The following UBE2H variants were observed in gnomAD, a reference collection of about 807,000 sequenced individuals.
UBE2H encodes ubiquitin conjugating enzyme E2 H.
UBE2H carries 3 observed loss-of-function variants against 29.0 expected under a neutral mutation model. The observed-to-expected ratio is 0.10, with a 90% CI of 0.05 to 0.27. The LOEUF (loss-of-function observed/expected upper bound fraction) is 0.27. UBE2H is among the 10% of genes least tolerant of loss of function. The pLI is 1.00. For synonymous variants in UBE2H, 69 were observed against 82.9 expected (o/e 0.83, Z 0.91); for missense variants, 68 against 228.2 (o/e 0.30, Z 4.52).
rs982696518 is a variant in UBE2H at position 129,913,031 on chromosome 7, G to A, written c.54-32060C>T. On this transcript the variant is annotated intron_variant, in intron 1 of 6. Transcript: ENST00000355621. Reference sequence around the variant, plus strand: ...TTTCGGAGGCCAAGGCGGGTGGGTCGCCTGAGGTCAGGAGTTCGAGACCAG... The same window carrying A: ...TTTCGGAGGCCAAGGCGGGTGGGTCACCTGAGGTCAGGAGTTCGAGACCAG... 6.6e-5 allele frequency among the ~76,000 whole-genome samples: 10 copies of A among 152,098 alleles called. 1 individual carries two copies. The highest frequency in any genetic ancestry group is 5.2e-4 in the Admixed American group (8 of 15,250).
At chr7:129,875,684 A>T (rs575542066) in intron 3 of UBE2H, among the ~76,000 whole-genome samples, 112 of 151,446 alleles carry the variant, frequency 7.4e-4, no homozygotes, top group African/African-American at 2.4e-3. Flanking sequence ...TCCTCTGCTT[A>T]TTTTTTTTTA....
At chr7:129,926,526 A>C (rs1162922459) in intron 1 of UBE2H, among the ~76,000 whole-genome samples, 1 of 150,854 alleles carries the variant, frequency 6.6e-6, no homozygotes, top group Non-Finnish European at 1.5e-5. Context: ...AAAAAAGAAA[A>C]AAGAAACTCC....
chr7:129,914,667 T>C (rs1304877151), intron 1 of UBE2H, among the ~76,000 whole-genome samples: 1 of 152,120 alleles, frequency 6.6e-6, no homozygotes, highest in Non-Finnish European at 1.5e-5. Flanking sequence ...TGACAGTAAA[T>C]TACTTATCTT....
chr7:129,920,848 C>CAAAAAAAAAAAAAAAAAAAAAA (rs11347186), intron 1 of UBE2H, among the ~76,000 whole-genome samples: 1 of 73,998 alleles, frequency 1.4e-5, no homozygotes, highest in Non-Finnish European at 2.6e-5. Flanking sequence ...TAGAAAAAGT[C>CAAAAAAAAAAAAAAAAAAAAAA]AAAAAAAAAA....
intron 5 of UBE2H, among the ~76,000 whole-genome samples, chr7:129,853,286 G>A (rs1805643596): frequency 6.6e-6 from 1 of 152,134 alleles, no homozygotes; most frequent in Non-Finnish European, 1.5e-5. Flanking sequence ...AGCTACCTGT[G>A]GCTTAATGAA....
intron 3 of UBE2H, among the ~76,000 whole-genome samples, chr7:129,876,715 CA>C (rs1053756038): frequency 6.6e-6 from 1 of 151,370 alleles, no homozygotes; most frequent in African/African-American, 2.4e-5. Context: ...AGTAAAATTC[CA>C]AAAAAAAGAG....
intron 5 of UBE2H, 109 bp from the exon 6 acceptor site, chr7:129,839,444 A>ATTC: frequency 1.4e-6 from 2 of 1,467,268 alleles, no homozygotes; most frequent in Admixed American, 4.0e-5. Flanking sequence ...CACGGGGATG[A>ATTC]TTCTCCATAC....
intron 2 of UBE2H, 26 bp from the exon 3 acceptor site, chr7:129,879,668 C>A: frequency 6.3e-7 from 1 of 1,579,206 alleles, no homozygotes; most frequent in South Asian, 1.1e-5. Flanking sequence ...AAATGTTCAT[C>A]AGAACTACAT....
In UBE2H at chr7:129,950,393, G is replaced by C. The variant is rs574638719; in HGVS notation, c.53+2110C>G. Among the ~76,000 whole-genome samples the C allele has an allele frequency of 1.8e-4, 27 of 151,730 alleles. 1 individual carries two copies. The Middle Eastern group carries it at 0.01, about 58-fold the overall frequency. On this transcript the variant is annotated intron_variant, in intron 1 of 6. Transcript: ENST00000355621. Reference sequence around the variant, plus strand: ...ATAAGCTATGAAATAAGCCACTTAGGGGGAGAAAAAAAAGACACCCTGCTG... The same window carrying C: ...ATAAGCTATGAAATAAGCCACTTAGCGGGAGAAAAAAAAGACACCCTGCTG...
intron 1 of UBE2H, among the ~76,000 whole-genome samples, chr7:129,949,380 A>G (rs1217272316): frequency 6.6e-6 from 1 of 152,146 alleles, no homozygotes; most frequent in Admixed American, 6.6e-5. Context: ...AAATGGCCGC[A>G]CTATTCGAGA....
intron 5 of UBE2H, among the ~76,000 whole-genome samples, chr7:129,850,115 C>T (rs957113285): frequency 1.3e-5 from 2 of 152,182 alleles, no homozygotes; most frequent in Non-Finnish European, 2.9e-5. Context: ...GACTGTAATC[C>T]TAGCACTTTG....
chr7:129,932,080 C>T lies in UBE2H; in HGVS notation c.53+20423G>A, dbSNP rs1426447151. Among the ~76,000 whole-genome samples, 6 of 151,460 alleles carry T rather than the reference C, an allele frequency of 4.0e-5. No individual in the cohort carries two copies. In the South Asian group the frequency reaches 1.3e-3, roughly 32 times the overall value. On this transcript the variant is annotated intron_variant, in intron 1 of 6. Coordinates refer to ENST00000355621, the MANE Select transcript of UBE2H (RefSeq NM_003344.4). ...CACGTGATCCGCCTGCCTCGGCCTCCCAAAGTGCTGGGATTACAAGTGTGA... is the reference window on the plus strand; with the variant it reads ...CACGTGATCCGCCTGCCTCGGCCTCTCAAAGTGCTGGGATTACAAGTGTGA...
At chr7:129,928,330 C>G (rs997212376) in intron 1 of UBE2H, among the ~76,000 whole-genome samples, 1 of 152,116 alleles carries the variant, frequency 6.6e-6, no homozygotes, top group South Asian at 2.1e-4. Flanking sequence ...TGGCCAGGCA[C>G]GGTGGCTCAT....
intron 5 of UBE2H, among the ~76,000 whole-genome samples, chr7:129,846,706 T>C (rs1272831838): frequency 6.6e-6 from 1 of 152,178 alleles, no homozygotes; most frequent in East Asian, 1.9e-4. Flanking sequence ...ACCTAAATAT[T>C]CTTCATTTGT....
At chr7:129,872,199 C>A (rs918881399) in intron 3 of UBE2H, among the ~76,000 whole-genome samples, 2 of 152,016 alleles carry the variant, frequency 1.3e-5, no homozygotes, top group Non-Finnish European at 2.9e-5. Flanking sequence ...ACAAGTAGGC[C>A]TTTGTTAAAT....
At chr7:129,900,332 CAT>C (rs141815060) in intron 1 of UBE2H, among the ~76,000 whole-genome samples, 9,483 of 152,192 alleles carry the variant, frequency 0.062, 368 homozygotes, top group Non-Finnish European at 0.092. Flanking sequence ...TAATGTAACA[CAT>C]ATGTTACTCT....
intron 1 of UBE2H, among the ~76,000 whole-genome samples, chr7:129,883,295 G>A (rs549074438): frequency 6.6e-6 from 1 of 152,144 alleles, no homozygotes; most frequent in Non-Finnish European, 1.5e-5. Context: ...GTGAGAGTGT[G>A]ATATGGTTTC....
At chr7:129,944,291 G>A (rs1317482139) in intron 1 of UBE2H, among the ~76,000 whole-genome samples, 1 of 152,200 alleles carries the variant, frequency 6.6e-6, no homozygotes, top group Non-Finnish European at 1.5e-5. Context: ...AGGAGGCGGA[G>A]CTGGCAGTGA....
chr7:129,876,776 T>A (rs1806151774), intron 3 of UBE2H, among the ~76,000 whole-genome samples: 1 of 152,160 alleles, frequency 6.6e-6, no homozygotes, highest in Non-Finnish European at 1.5e-5. Flanking sequence ...GTTCATAACC[T>A]CCCAAGGTGT....
Sources: gnomAD v4.1 joint callset for allele counts (sites outside exome capture counted in the v4.1 genomes callset) on GRCh38, gnomAD v4.1.1 for gene constraint, MANE v1.5 for transcripts, NCBI Gene and HGNC (gene_info 2026-07-23, HGNC 2026-07-21) for gene names.